Variants in CHD1 observed in about 807,000 individuals in gnomAD.
CHD1 encodes the protein chromodomain helicase DNA binding protein 1.
CHD1 carries 36 observed loss-of-function variants against 224.2 expected under a neutral mutation model. That is an observed-to-expected ratio of 0.16 (90% CI 0.12 to 0.21). The LOEUF is 0.21. CHD1 is among the 10% of genes least tolerant of loss of function. The probability of loss-of-function intolerance (pLI) is 1.00; values close to 1 mark genes in which losing one functional copy is unlikely to be tolerated. For synonymous variants in CHD1, 668 were observed against 658.3 expected (o/e 1.01, Z -0.23); for missense variants, 1,378 against 1,994.8 (o/e 0.69, Z 5.89).
chr5:98,885,675 G>A (rs778935432), intron 17 of CHD1, 26 bp from the exon 18 acceptor site: 4 of 1,261,566 alleles, frequency 3.2e-6, no homozygotes, highest in Admixed American at 4.3e-5. Context: ...TTAAAATACT[G>A]CATAAACAGA....
chr5:98,924,879 G>A (rs924644201), intron 2 of CHD1, among the ~76,000 whole-genome samples: 2 of 152,150 alleles, frequency 1.3e-5, no homozygotes, highest in African/African-American at 4.8e-5. Flanking sequence ...TCCGGAGGCT[G>A]AGGTAGGAGA....
chr5:98,883,407 T>G (rs1750343556), intron 18 of CHD1, among the ~76,000 whole-genome samples, 170 bp from the exon 19 acceptor site: 1 of 152,106 alleles, frequency 6.6e-6, no homozygotes, highest in African/African-American at 2.4e-5. Context: ...AACACCAAAT[T>G]CAATACAGTG....
rs574174114 is a variant in CHD1 at position 98,909,410 on chromosome 5, G to A, written c.54-4312C>T. On this transcript the variant is annotated intron_variant, in intron 2 of 35. Coordinates refer to ENST00000614616, the MANE Select transcript of CHD1 (RefSeq NM_001270.4). ...GGACTTCTACCAGATGGCATTTAAT[G>A]TTTTGTTGTTTTCTTTTGTGTGAGA... Among the ~76,000 whole-genome samples, 3 of 152,182 alleles carry A rather than the reference G, an allele frequency of 2.0e-5. No individual in the cohort carries two copies. The Middle Eastern group carries it at 0.01, about 521-fold the overall frequency.
chr5:98,924,719 T>C (rs1753338605), intron 2 of CHD1, among the ~76,000 whole-genome samples: 1 of 152,198 alleles, frequency 6.6e-6, no homozygotes. Flanking sequence ...CTCATGCCTA[T>C]AATCTCAGCA....
At chr5:98,900,053 C>A (rs991124554) in intron 7 of CHD1, among the ~76,000 whole-genome samples, 2 of 151,936 alleles carry the variant, frequency 1.3e-5, no homozygotes, top group African/African-American at 2.4e-5. Flanking sequence ...GAGGCCGAGG[C>A]GGGCGGATCA....
At chr5:98,881,926 T>C (rs1750220584) in intron 20 of CHD1, 49 bp downstream of exon 20, 3 of 1,508,986 alleles carry the variant, frequency 2.0e-6, no homozygotes, top group African/African-American at 1.4e-5. Flanking sequence ...ATCAAAAATA[T>C]GAGTTTACTG....
At chr5:98,892,848 T>TA in intron 14 of CHD1, 135 bp from the exon 15 acceptor site, 3 of 494,874 alleles carry the variant, frequency 6.1e-6, no homozygotes, top group East Asian at 6.0e-5. Flanking sequence ...TAGCTAAACT[T>TA]AGTTACCTCT....
At chr5:98,882,983 A>T (rs528481536) in intron 19 of CHD1, 105 bp downstream of exon 19, 917 of 705,742 alleles carry the variant, frequency 1.3e-3, no homozygotes, top group Non-Finnish European at 1.7e-3. Context: ...CAGTAGTATG[A>T]CTGTTACAGT....
chr5:98,898,103 T>C (rs1751460815), intron 10 of CHD1, among the ~76,000 whole-genome samples, 153 bp downstream of exon 10: 1 of 152,102 alleles, frequency 6.6e-6, no homozygotes, highest in African/African-American at 2.4e-5. Context: ...CACACAGCAA[T>C]TGCAGAAGTT....
chr5:98,925,599 T>C (rs1450996259), intron 2 of CHD1, among the ~76,000 whole-genome samples: 1 of 152,176 alleles, frequency 6.6e-6, no homozygotes, highest in Non-Finnish European at 1.5e-5. Flanking sequence ...TAAACTAATG[T>C]GCAGATAACT....
chr5:98,912,069 T>A (rs868275396), intron 2 of CHD1, among the ~76,000 whole-genome samples: 1 of 151,782 alleles, frequency 6.6e-6, no homozygotes, highest in Non-Finnish European at 1.5e-5. Flanking sequence ...GAAAAAAAAA[T>A]TAAAAAATAT....
chr5:98,863,339 GAAAAC>G, intron 32 of CHD1, 64 bp downstream of exon 32: 2 of 888,766 alleles, frequency 2.3e-6, no homozygotes, highest in Non-Finnish European at 1.5e-6. Flanking sequence ...AATCAGGAAA[GAAAAC>G]AAAAAAAAAA....
intron 2 of CHD1, among the ~76,000 whole-genome samples, chr5:98,906,659 T>C (rs548617793): frequency 2.0e-5 from 3 of 152,320 alleles, no homozygotes; most frequent in East Asian, 1.9e-4. Flanking sequence ...TTCCCATGTA[T>C]GGGGAGCACT....
In CHD1 at chr5:98,898,023, C is replaced by T. The variant is rs538750030; in HGVS notation, c.1365+233G>A. On this transcript the variant is annotated intron_variant, in intron 10 of 35. Coordinates refer to ENST00000614616, the MANE Select transcript of CHD1 (RefSeq NM_001270.4). ...GACAACACTTAAGAAGATACATTGA[C>T]GAAAACATCATTTACAATTTTTTTA... Among the ~76,000 whole-genome samples the T allele has an allele frequency of 1.9e-4, 29 of 149,754 alleles. No individual in the cohort carries two copies. In the South Asian group the frequency reaches 3.6e-3, roughly 18 times the overall value.
chr5:98,886,447 C>T (rs1037309557), intron 17 of CHD1, among the ~76,000 whole-genome samples: 5 of 152,148 alleles, frequency 3.3e-5, no homozygotes, highest in South Asian at 2.1e-4. Context: ...ACATACTGAA[C>T]GCTTATTAAA....
intron 16 of CHD1, 109 bp downstream of exon 16, chr5:98,888,966 TA>T: frequency 3.3e-6 from 2 of 614,238 alleles, no homozygotes; most frequent in Non-Finnish European, 5.3e-6. Context: ...CACCATTAAC[TA>T]AAGAGAACTT....
In CHD1 at chr5:98,900,876, T is replaced by C; in HGVS notation, c.794A>G (p.Gln265Arg). The C allele has an allele frequency of 6.2e-7, 1 of 1,613,866 alleles. No individual in the cohort carries two copies. The highest frequency in any genetic ancestry group is 8.5e-7 in the Non-Finnish European group (1 of 1,179,712). ...LLEVCGEDVP[Q>R]PEEEEFETIE... ...GGTTTCAAATTCCTCTTCCTCAGGT[T>C]GAGGAACATCCTCTCCACAGACTTC... The change falls in exon 7 of 36, where the codon CAA becomes CGA. Residue 265 changes from glutamine to arginine, a missense_variant. By Grantham distance (43) the Gln-to-Arg change is conservative. This residue lies in a region of CHD1 where 40 missense variants were observed against 60.0 expected (regional missense o/e 0.67). Transcript: ENST00000614616.
chr5:98,875,298 G>A (rs1205588075), intron 24 of CHD1, among the ~76,000 whole-genome samples, 185 bp from the exon 25 acceptor site: 2 of 152,114 alleles, frequency 1.3e-5, no homozygotes, highest in African/African-American at 2.4e-5. Context: ...CACCAGGTAA[G>A]ACAAGGTAAA....
Position 98,863,690 on chromosome 5 carries a change from C to A in CHD1, c.4249-104G>T, listed in dbSNP as rs146876564. The A allele has an allele frequency of 3.0e-4, 207 of 678,964 alleles. 1 individual carries two copies. In the African/African-American group the frequency reaches 3.7e-3, roughly 12 times the overall value. The allele number at this position is 678,964 out of a possible 1,614,324, so 42.1% of individuals were successfully genotyped here. On this transcript the variant is annotated intron_variant, in intron 31 of 35. Coordinates refer to ENST00000614616, the MANE Select transcript of CHD1 (RefSeq NM_001270.4). ...TTTACATGAGTATAATATTATAACA[C>A]TGTTTGATAGCAAAATAAGCAATTA...
Sources: gnomAD v4.1 joint callset for allele counts (sites outside exome capture counted in the v4.1 genomes callset) on GRCh38, gnomAD v4.1.1 for gene constraint, gnomAD v4.1.1 regional missense constraint, MANE v1.5 for transcripts, NCBI Gene and HGNC (gene_info 2026-07-23, HGNC 2026-07-21) for gene names.